Variants in CNKSR1 observed in about 807,000 individuals in gnomAD.
CNKSR1 encodes the protein connector enhancer of kinase suppressor of Ras 1.
CNKSR1 carries 88 observed loss-of-function variants against 95.6 expected under a neutral mutation model. The observed-to-expected ratio is 0.92, with a 90% CI of 0.78 to 1.10. The LOEUF (loss-of-function observed/expected upper bound fraction) is 1.10, where lower values mean the gene tolerates loss of function less well. Among genes scored for constraint, CNKSR1 ranks in the 50% least tolerant of loss-of-function variants. The probability of loss-of-function intolerance (pLI) is 0.00; values close to 1 mark genes in which losing one functional copy is unlikely to be tolerated. For synonymous variants in CNKSR1, 355 were observed against 369.7 expected, an observed-to-expected ratio of 0.96 and a Z score of 0.46; for missense variants, 836 against 912.0, an observed-to-expected ratio of 0.92 and a Z score of 1.07.
chr1:26,179,728 G>A (rs2088614721), intron 1 of CNKSR1, among the ~76,000 whole-genome samples: 1 of 152,168 alleles, frequency 6.6e-6, no homozygotes, highest in Non-Finnish European at 1.5e-5. Context: ...ACAGAGCAGT[G>A]CTATTACTTG....
At position 26,180,866 on chromosome 1, in the gene CNKSR1, A is replaced by C; in HGVS notation, c.362A>C (p.Glu121Ala). Reference sequence around the variant, plus strand: ...TGTGCAGCTGTGGAGCTGTTGCATGAAGCTGACGCCCTCCTCTTCTGGCTC... The same window carrying C: ...TGTGCAGCTGTGGAGCTGTTGCATGCAGCTGACGCCCTCCTCTTCTGGCTC... ...VLCAAVELLHEADALLFWLSR... is the reference protein window; with the variant it reads ...VLCAAVELLHAADALLFWLSR... Residue 121 changes from glutamate (E) to alanine (A), a missense_variant, in exon 3 of 21, where the codon GAA (glutamate) becomes GCA (alanine). Coordinates refer to ENST00000361530, the MANE Select transcript of CNKSR1 (RefSeq NM_006314.3). 1 of 1,614,230 alleles carries C rather than the reference A, an allele frequency of 6.2e-7. No homozygotes were observed. Among genetic ancestry groups the C allele is most frequent in the East Asian group, 2.2e-5 (1 of 44,888 alleles).
At position 26,183,231 on chromosome 1, in the gene CNKSR1, ACTTTGTGT is replaced by A. The variant is rs1366644812; in HGVS notation, c.661_668del (p.Phe221ProfsTer9). The A allele has an allele frequency of 1.2e-6, 2 of 1,613,866 alleles. No individual in the cohort carries two copies. Among genetic ancestry groups the A allele is most frequent in the Admixed American group, 3.3e-5 (2 of 59,992 alleles). ...ATTCACACCACCAGCAATTGCCAGCACTTTGTGTCCCAAGTGGACACCCAGGTGAGAGC... is the reference window on the plus strand; with the variant it reads ...ATTCACACCACCAGCAATTGCCAGCACCCAAGTGGACACCCAGGTGAGAGC... On this transcript the variant is annotated frameshift_variant, in exon 7 of 21. Transcript: ENST00000361530. LOFTEE classifies it high-confidence loss of function.
Position 26,181,549 on chromosome 1 carries a change from CTT to C in CNKSR1, c.393-307_393-306del, listed in dbSNP as rs2088648183. ...ACTATTAATAAATAATAAATAATAA[CTT>C]ATTATAAACTCATTATCCAATGTTT... On this transcript the variant is annotated intron_variant, in intron 3 of 20. Coordinates refer to ENST00000361530, the MANE Select transcript of CNKSR1 (RefSeq NM_006314.3). 5.1e-5 allele frequency: 16 copies of C among 316,254 alleles called. 1 individual carries two copies. In the South Asian group the frequency reaches 5.2e-4, roughly 10 times the overall value. The allele number at this position is 316,254 out of a possible 1,614,324, so 19.6% of individuals were successfully genotyped here.
At position 26,188,870 on chromosome 1, in the gene CNKSR1, C is replaced by T. The variant is rs761159609; in HGVS notation, c.1789C>T (p.Arg597Trp). 1.5e-5 allele frequency: 24 copies of T among 1,613,624 alleles called. No individual in the cohort carries two copies. The highest frequency in any genetic ancestry group is 1.6e-4 in the Middle Eastern group (1 of 6,084). The change falls in exon 20 of 21, where the codon CGG becomes TGG. Residue 597 changes from arginine (R) to tryptophan (W), a missense_variant. Transcript: ENST00000361530. ...ACAGCCCCTGACCCAGGAACAGTGG[C>T]GGAGCTCTTTCATGCGGCGCAACCG... ...QPQPLTQEQW[R>W]SSFMRRNRDP...
At chr1:26,186,951 GCT>G (rs2088762118) in intron 14 of CNKSR1, 1 of 529,752 alleles carries the variant, frequency 1.9e-6, no homozygotes, top group African/African-American at 1.9e-5. Context: ...GATATCTTTG[GCT>G]CCCCTTTCCT....
Position 26,180,481 on chromosome 1 carries a change from C to G in CNKSR1, c.81C>G (p.Pro27=). 2 of 1,614,134 alleles carry G rather than the reference C, an allele frequency of 1.2e-6. No homozygotes were observed. Among genetic ancestry groups the G allele is most frequent in the Non-Finnish European group, 1.7e-6 (2 of 1,180,042 alleles). ...RGLDDSLQDY[P]FEDWQLPGKN... is the part of the protein sequence containing the mutation. Reference sequence around the variant, plus strand: ...TTGACGACTCCCTGCAGGACTATCCCTTTGAGGACTGGCAGCTGCCTGGCA... The same window carrying G: ...TTGACGACTCCCTGCAGGACTATCCGTTTGAGGACTGGCAGCTGCCTGGCA... Residue 27 remains proline, a synonymous_variant, in exon 2 of 21, where the codon CCC becomes CCG. Coordinates refer to ENST00000361530, the MANE Select transcript of CNKSR1 (RefSeq NM_006314.3).
At chr1:26,183,122 G>A in intron 6 of CNKSR1, 75 bp from the exon 7 acceptor site, 1 of 1,407,946 alleles carries the variant, frequency 7.1e-7, no homozygotes, top group Non-Finnish European at 1.0e-6. Flanking sequence ...ATAGAGTCCT[G>A]GTGTCTGGCG....
chr1:26,188,638 C>G lies in CNKSR1; in HGVS notation c.1631C>G (p.Thr544Arg). The G allele has an allele frequency of 6.2e-7, 1 of 1,613,882 alleles. No homozygotes were observed. Among genetic ancestry groups the G allele is most frequent in the Non-Finnish European group, 8.5e-7 (1 of 1,179,910 alleles). Residue 544 changes from threonine (T) to arginine (R), a missense_variant, in exon 19 of 21, where the codon ACA (threonine) becomes AGA (arginine). Thr to Arg is a moderately conservative substitution (Grantham distance 71). Coordinates refer to ENST00000361530, the MANE Select transcript of CNKSR1 (RefSeq NM_006314.3). Reference protein sequence around the residue: ...AQAGSPLHGDTSPAATPTQRS... With the variant: ...AQAGSPLHGDRSPAATPTQRS... Reference sequence around the variant, plus strand: ...GCTGGGAGTCCCCTCCATGGAGACACATCACCTGCAGCCACCCCCACACAG... The same window carrying G: ...GCTGGGAGTCCCCTCCATGGAGACAGATCACCTGCAGCCACCCCCACACAG...
chr1:26,189,287 G>C lies in CNKSR1; in HGVS notation c.1881G>C (p.Leu627=), dbSNP rs369330734. The change falls in exon 21 of 21, where the codon CTG becomes CTC. Residue 627 remains leucine, a synonymous_variant. Transcript: ENST00000361530. ...CCCTCCTCTCCACACAGGCAAAGCT[G>C]CAGGAGCTGCAGGTCCTAGAAGAAG... ...RALQSTLKAK[L]QELQVLEEVL... 5 of 1,614,150 alleles carry C rather than the reference G, an allele frequency of 3.1e-6. No homozygotes were observed. Among genetic ancestry groups the C allele is most frequent in the Non-Finnish European group, 1.7e-6 (2 of 1,180,020 alleles).
At chr1:26,181,812 G>T in intron 3 of CNKSR1, 45 bp from the exon 4 acceptor site, 3 of 1,587,602 alleles carry the variant, frequency 1.9e-6, no homozygotes, top group Non-Finnish European at 2.6e-6. Flanking sequence ...GCTCTGAGTG[G>T]TTAAGCATAG....
At chr1:26,185,582 CA>C in intron 14 of CNKSR1, among the ~76,000 whole-genome samples, 1 of 152,086 alleles carries the variant, frequency 6.6e-6, no homozygotes, top group South Asian at 2.1e-4. Flanking sequence ...TTAGTAGAGA[CA>C]GGGTTTCACC....
In CNKSR1 at chr1:26,189,559, C is replaced by T; in HGVS notation, c.*11C>T. 1 of 1,339,522 alleles carries T rather than the reference C, an allele frequency of 7.5e-7. No individual in the cohort carries two copies. The highest frequency in any genetic ancestry group is 1.1e-6 in the Non-Finnish European group (1 of 929,198). The allele number at this position is 1,339,522 out of a possible 1,614,324, so 83.0% of individuals were successfully genotyped here. On this transcript the variant is annotated 3_prime_UTR_variant, in exon 21 of 21. Transcript: ENST00000361530. ...CCTCCTGACCTCTGACCCTGGCCAGCACTCTAGCTCCTGACCTTTGACCCG... is the reference window on the plus strand; with the variant it reads ...CCTCCTGACCTCTGACCCTGGCCAGTACTCTAGCTCCTGACCTTTGACCCG...
At chr1:26,187,105 G>A in intron 14 of CNKSR1, 63 bp from the exon 15 acceptor site, 3 of 1,291,226 alleles carry the variant, frequency 2.3e-6, no homozygotes, top group South Asian at 2.4e-5. Context: ...GGGTAACTAG[G>A]AGCTGACTGG....
intron 14 of CNKSR1, 49 bp from the exon 15 acceptor site, chr1:26,187,119 T>C: frequency 6.8e-7 from 1 of 1,463,574 alleles, no homozygotes. Context: ...TGACTGGGCC[T>C]TGAGGGTATT....
rs764954368 is a variant in CNKSR1, at chr1:26,188,871, G to T, written c.1790G>T (p.Arg597Leu). ...QPQPLTQEQW[R>L]SSFMRRNRDP... is the part of the protein sequence containing the mutation. ...CAGCCCCTGACCCAGGAACAGTGGC[G>T]GAGCTCTTTCATGCGGCGCAACCGA... Residue 597 changes from arginine (R) to leucine (L), a missense_variant, in exon 20 of 21, where the codon CGG becomes CTG. Arg to Leu is a moderately radical substitution (Grantham distance 102, BLOSUM62 -2). Coordinates refer to ENST00000361530, the MANE Select transcript of CNKSR1 (RefSeq NM_006314.3). The T allele has an allele frequency of 1.9e-6, 3 of 1,613,510 alleles. No individual in the cohort carries two copies. In the Admixed American group the frequency reaches 5.0e-5, roughly 27 times the overall value.
rs763126309 is a variant in CNKSR1 at position 26,183,966 on chromosome 1, A to G, written c.856-105A>G. 3.4e-4 allele frequency: 191 copies of G among 561,096 alleles called. 1 individual carries two copies. Among genetic ancestry groups the G allele is most frequent in the Non-Finnish European group, 5.9e-4 (181 of 308,844 alleles). 34.8% of individuals were successfully genotyped at this position (561,096 alleles called of 1,614,324 possible). A position where few individuals can be genotyped will look rare whatever the true frequency, so the allele number is the denominator to read the frequency against. The stretch of plus-strand genomic sequence containing the variant: ...CTGCTGCGCCCCCCTAGCTCCCTTC[A>G]GACCCCCCCACAGGTACCTGCTCCT... On this transcript the variant is annotated intron_variant, in intron 9 of 20. Coordinates refer to ENST00000361530, the MANE Select transcript of CNKSR1 (RefSeq NM_006314.3).
Position 26,181,892 on chromosome 1 carries a change from G to A in CNKSR1, c.428G>A (p.Cys143Tyr), listed in dbSNP as rs982525041. Residue 143 changes from cysteine (C) to tyrosine (Y), a missense_variant, in exon 4 of 21, where the codon TGC (cysteine) becomes TAC (tyrosine). Physicochemically the swap from Cys to Tyr is radical, Grantham distance 194. Transcript: ENST00000361530. ...LFSHLNDFSACQEIRDLLEEL... is the reference protein window; with the variant it reads ...LFSHLNDFSAYQEIRDLLEEL... ...TCCCACTTAAATGATTTCTCAGCAT[G>A]CCAGGAGATCCGAGACTTGTTGGAG... 52 of 1,613,962 alleles carry A rather than the reference G, an allele frequency of 3.2e-5. No individual in the cohort carries two copies. The highest frequency in any genetic ancestry group is 4.3e-5 in the Non-Finnish European group (51 of 1,179,966).
In CNKSR1 at chr1:26,180,755, AG is replaced by A; in HGVS notation, c.254del (p.Gly85AspfsTer12). On this transcript the variant is annotated frameshift_variant, in exon 3 of 21. Coordinates refer to ENST00000361530, the MANE Select transcript of CNKSR1 (RefSeq NM_006314.3). LOFTEE classifies it high-confidence loss of function. ...ACAGAGAACCTGCAAAGCCTGACAG[AG>A]GGACTTCTGGGGGCAACCCATGACT... ...LQTENLQSLT[E>X]GLLGATHDFQ... The A allele has an allele frequency of 3.1e-6, 5 of 1,614,220 alleles. No individual in the cohort carries two copies. Among genetic ancestry groups the A allele is most frequent in the Non-Finnish European group, 4.2e-6 (5 of 1,180,036 alleles).
intron 16 of CNKSR1, 41 bp downstream of exon 16, chr1:26,187,523 C>A (rs1487908282): frequency 6.2e-7 from 1 of 1,600,312 alleles, no homozygotes; most frequent in African/African-American, 1.3e-5. Flanking sequence ...CATATGATTC[C>A]CAAACTCTGT....
Sources: gnomAD v4.1 joint callset for allele counts (sites outside exome capture counted in the v4.1 genomes callset) on GRCh38, gnomAD v4.1.1 for gene constraint, MANE v1.5 for transcripts, NCBI Gene and HGNC (gene_info 2026-07-23, HGNC 2026-07-21) for gene names.